Variants in ERC1 observed in about 807,000 individuals in gnomAD.
ERC1 encodes the protein ELKS/RAB6-interacting/CAST family member 1, also known as RAB6 interacting protein 2.
A neutral mutation model predicts 132.0 loss-of-function variants in ERC1; 56 were observed. The observed-to-expected ratio is 0.42, with a 90% CI of 0.34 to 0.53. The LOEUF (loss-of-function observed/expected upper bound fraction) is 0.53, where lower values mean the gene tolerates loss of function less well. Among genes scored for constraint, ERC1 ranks in the 20% least tolerant of loss-of-function variants. The pLI is 0.03. For missense variants in ERC1, 1,202 were observed against 1,349.9 expected (o/e 0.89, Z 1.72); for synonymous variants, 478 against 476.1 (o/e 1.00, Z -0.05).
Position 1,493,562 on chromosome 12 carries a change from T to A in ERC1, c.*3332T>A, listed in dbSNP as rs1278858114. The A allele has an allele frequency of 1.2e-4, 14 of 113,474 alleles. 1 individual carries two copies. The highest frequency in any genetic ancestry group is 1.3e-4 in the Non-Finnish European group (7 of 53,756). The allele number at this position is 113,474 out of a possible 1,614,324, so 7.0% of individuals were successfully genotyped here. On this transcript the variant is annotated 3_prime_UTR_variant, in exon 19 of 19. Coordinates refer to ENST00000360905, the MANE Select transcript of ERC1 (RefSeq NM_178040.4). Reference sequence around the variant, plus strand: ...AAAAAAAAAAAAATATATATATATATATATATATATATATATGGATGGGAA... The same window carrying A: ...AAAAAAAAAAAAATATATATATATAAATATATATATATATATGGATGGGAA...
chr12:1,125,908 A>G (rs771179819), intron 7 of ERC1, among the ~76,000 whole-genome samples: 33 of 152,240 alleles, frequency 2.2e-4, no homozygotes, highest in Non-Finnish European at 2.9e-4. Flanking sequence ...GACAAATACT[A>G]CATATGATTC....
intron 16 of ERC1, among the ~76,000 whole-genome samples, chr12:1,400,916 A>ATTATTTTTTT (rs2090981093): frequency 6.0e-4 from 9 of 15,058 alleles, no homozygotes; most frequent in African/African-American, 2.8e-3. Context: ...CTATTTTTGT[A>ATTATTTTTTT]TTTTTTTTTT....
At chr12:1,436,679 AGG>A (rs2092958149) in intron 17 of ERC1, among the ~76,000 whole-genome samples, 1 of 150,854 alleles carries the variant, frequency 6.6e-6, no homozygotes, top group Admixed American at 6.6e-5. Flanking sequence ...GTGAGGCACC[AGG>A]CCTCAGAGGG....
intron 14 of ERC1, among the ~76,000 whole-genome samples, chr12:1,264,514 A>G (rs1412269688): frequency 6.6e-6 from 1 of 152,058 alleles, no homozygotes; most frequent in Non-Finnish European, 1.5e-5. Flanking sequence ...AATACAAAAA[A>G]TTAGCTGGGC....
At chr12:1,358,437 A>G (rs753016266) in intron 15 of ERC1, among the ~76,000 whole-genome samples, 3 of 152,150 alleles carry the variant, frequency 2.0e-5, no homozygotes, top group East Asian at 1.9e-4. Context: ...AGGAAAGTAC[A>G]TACAAATGCT....
chr12:1,440,236 G>C (rs1449657961), intron 17 of ERC1, among the ~76,000 whole-genome samples: 3 of 109,158 alleles, frequency 2.7e-5, no homozygotes, highest in Non-Finnish European at 3.4e-5. Context: ...ACAGAGTCTT[G>C]CTCTGTCGCC....
At chr12:1,290,672 C>A (rs577009620) in intron 15 of ERC1, among the ~76,000 whole-genome samples, 55 of 152,264 alleles carry the variant, frequency 3.6e-4, no homozygotes, top group South Asian at 1.0e-3. Context: ...TCCAGTTGTA[C>A]CCTCTCATTT....
At chr12:1,291,179 G>A (rs1417534695) in intron 15 of ERC1, among the ~76,000 whole-genome samples, 1 of 152,214 alleles carries the variant, frequency 6.6e-6, no homozygotes, top group Non-Finnish European at 1.5e-5. Flanking sequence ...GGTGTCCTCT[G>A]TGCTTTCACG....
chr12:1,473,290 G>A (rs1015742262), intron 18 of ERC1, among the ~76,000 whole-genome samples: 5 of 152,180 alleles, frequency 3.3e-5, no homozygotes, highest in Admixed American at 6.5e-5. Flanking sequence ...GCCTCCCAAA[G>A]TGCTGGGATT....
Position 1,083,481 on chromosome 12 carries a change from C to T in ERC1, c.987C>T (p.Asp329=), listed in dbSNP as rs957853506. 1.9e-6 allele frequency: 3 copies of T among 1,614,112 alleles called. No homozygotes were observed. In the Admixed American group the frequency reaches 5.0e-5, roughly 27 times the overall value. ...KGLSAKATEE[D]HERTRRLAEA... is the part of the protein sequence containing the mutation. ...TTTCTGCCAAGGCTACCGAGGAAGA[C>T]CATGAGAGAACAAGACGACTGGCAG... The change falls in exon 3 of 19, where the codon GAC becomes GAT. Residue 329 remains aspartate, a synonymous_variant. Transcript: ENST00000360905.
rs56939346 is a variant in ERC1, at chr12:1,493,548, A to AAAATATATATATATATATAGATAT, written c.*3319_*3320insAATATATATATATATATAGATATA. 1 of 13,618 alleles carries AAAATATATATATATATATAGATAT rather than the reference A, an allele frequency of 7.3e-5. No homozygotes were observed. The highest frequency in any genetic ancestry group is 2.2e-4 in the African/African-American group (1 of 4,554). The allele number at this position is 13,618 out of a possible 1,614,324, so 0.8% of individuals were successfully genotyped here. A position where few individuals can be genotyped will look rare whatever the true frequency, so the allele number is the denominator to read the frequency against. ...ACTCCATTTAAAAAAAAAAAAAAAA[A>AAAATATATATATATATATAGATAT]ATATATATATATATATATATATATA... On this transcript the variant is annotated 3_prime_UTR_variant, in exon 19 of 19. Transcript: ENST00000360905.
At chr12:1,482,437 T>C (rs2094111683) in intron 18 of ERC1, among the ~76,000 whole-genome samples, 1 of 152,060 alleles carries the variant, frequency 6.6e-6, no homozygotes. Flanking sequence ...TAAAGAGTTT[T>C]TTTGTTTGTG....
Position 1,004,711 on chromosome 12 carries a change from C to T in ERC1, c.-157+13389C>T, listed in dbSNP as rs561747449. 4.6e-5 allele frequency among the ~76,000 whole-genome samples: 7 copies of T among 151,964 alleles called. No individual in the cohort carries two copies. The South Asian group carries it at 6.2e-4, about 14-fold the overall frequency. ...TGAGCCACCATGCTCAGCTGGTTAA[C>T]ACATTTCTAAGCATTTTTTTCCTTT... On this transcript the variant is annotated intron_variant, in intron 1 of 18. Transcript: ENST00000360905.
rs565206045 is a variant in ERC1, at chr12:1,494,697, CTCT to C, written c.*4472_*4474del. 1.9e-4 allele frequency: 45 copies of C among 231,286 alleles called. No individual in the cohort carries two copies. Among genetic ancestry groups the C allele is most frequent in the African/African-American group, 8.4e-4 (38 of 45,340 alleles). The allele number at this position is 231,286 out of a possible 1,614,324, so 14.3% of individuals were successfully genotyped here. A position where few individuals can be genotyped will look rare whatever the true frequency, so the allele number is the denominator to read the frequency against. ...GGGTTTTTGTCCCATCCCACCTCCT[CTCT>C]TCTTTCTCTGCTTGTCGATATTGTC... On this transcript the variant is annotated 3_prime_UTR_variant, in exon 19 of 19. Coordinates refer to ENST00000360905, the MANE Select transcript of ERC1 (RefSeq NM_178040.4).
At chr12:1,122,241 G>A (rs62647618) in intron 7 of ERC1, among the ~76,000 whole-genome samples, 18 of 12,084 alleles carry the variant, frequency 1.5e-3, no homozygotes, top group African/African-American at 7.2e-3. Context: ...CTCTATCTGT[G>A]TCTCTATCTC....
At chr12:1,350,707 T>C (rs532187078) in intron 15 of ERC1, among the ~76,000 whole-genome samples, 1 of 152,338 alleles carries the variant, frequency 6.6e-6, no homozygotes, top group Admixed American at 6.5e-5. Context: ...TCTTAGTCTG[T>C]TGTGTGTTGT....
chr12:1,371,324 C>CTAA (rs928330855), intron 15 of ERC1, among the ~76,000 whole-genome samples: 1 of 152,114 alleles, frequency 6.6e-6, no homozygotes, highest in African/African-American at 2.4e-5. Flanking sequence ...TTCACTTAGC[C>CTAA]TAATATAGGG....
intron 18 of ERC1, among the ~76,000 whole-genome samples, chr12:1,457,214 G>T (rs1258478747): frequency 6.6e-6 from 1 of 152,204 alleles, no homozygotes; most frequent in African/African-American, 2.4e-5. Flanking sequence ...GTGTAAGTCA[G>T]TCTGTGATGT....
chr12:1,367,386 C>A (rs372784578), intron 15 of ERC1, among the ~76,000 whole-genome samples: 3 of 152,292 alleles, frequency 2.0e-5, no homozygotes, highest in Non-Finnish European at 4.4e-5. Flanking sequence ...CACAGTCATT[C>A]AATTTGACAT....
Sources: allele counts gnomAD v4.1 joint callset (sites outside exome capture counted in the v4.1 genomes callset), GRCh38; gene constraint gnomAD v4.1.1; transcripts MANE v1.5; gene names NCBI Gene and HGNC (gene_info 2026-07-23, HGNC 2026-07-21).